The following PSAP variants were observed in gnomAD, a reference collection of about 807,000 sequenced individuals.
The protein encoded by PSAP is precursor of saposins.
Under a neutral mutation model 66.0 loss-of-function variants are expected in PSAP, and 25 were observed. The ratio of observed to expected loss-of-function variants is 0.38; its 90% CI spans 0.28 to 0.53. The LOEUF (loss-of-function observed/expected upper bound fraction) is 0.53. Ranked by LOEUF, PSAP falls within the 20% of genes least tolerant of loss-of-function variation. The probability of loss-of-function intolerance (pLI) is 0.83; values close to 1 mark genes in which losing one functional copy is unlikely to be tolerated. For missense variants in PSAP, 649 were observed against 668.8 expected, an observed-to-expected ratio of 0.97 and a Z score of 0.33; for synonymous variants, 273 against 258.9, an observed-to-expected ratio of 1.05 and a Z score of -0.52.
At chr10:71,824,165 T>C (rs1842357916) in intron 7 of PSAP, among the ~76,000 whole-genome samples, 1 of 151,298 alleles carries the variant, frequency 6.6e-6, no homozygotes, top group Non-Finnish European at 1.5e-5. Flanking sequence ...CTCCAGGTCT[T>C]ACACACTAAA....
chr10:71,823,751 A>T, intron 7 of PSAP: 1 of 577,076 alleles, frequency 1.7e-6, no homozygotes, highest in Non-Finnish European at 2.8e-6. Context: ...CCAGCCTATT[A>T]ACAGAGAGGG....
In PSAP at chr10:71,816,401, C is replaced by T; in HGVS notation, c.*1040G>A. On this transcript the variant is annotated 3_prime_UTR_variant, in exon 14 of 14. Transcript: ENST00000394936. ...CTTCATGTCCTGCTGGCTTTGCTTG[C>T]TGTCTCCTGGCAACCAGAAGTGGAC... The T allele has an allele frequency of 2.1e-6, 1 of 471,186 alleles. No homozygotes were observed. The highest frequency in any genetic ancestry group is 1.5e-5 in the South Asian group (1 of 64,576). The allele number at this position is 471,186 out of a possible 1,614,324, so 29.2% of individuals were successfully genotyped here.
intron 7 of PSAP, 29 bp from the exon 8 acceptor site, chr10:71,822,036 C>T: frequency 6.2e-7 from 1 of 1,613,966 alleles, no homozygotes; most frequent in Non-Finnish European, 8.5e-7. Flanking sequence ...AACCAGTCAG[C>T]AGCAAGCCTA....
chr10:71,844,422 T>C (rs1340544671), intron 1 of PSAP, among the ~76,000 whole-genome samples: 2 of 152,130 alleles, frequency 1.3e-5, no homozygotes, highest in Admixed American at 6.5e-5. Flanking sequence ...TCCCAGCACT[T>C]TGGGGGGCTG....
At position 71,818,763 on chromosome 10, in the gene PSAP, G is replaced by GAGAGC; in HGVS notation, c.1432-44_1432-40dup. The GAGAGC allele has an allele frequency of 4.0e-6, 6 of 1,512,054 alleles. 1 individual carries two copies. The highest frequency in any genetic ancestry group is 5.5e-6 in the Non-Finnish European group (6 of 1,087,048). The allele number at this position is 1,512,054 out of a possible 1,614,324, so 93.7% of individuals were successfully genotyped here. A position where few individuals can be genotyped will look rare whatever the true frequency, so the allele number is the denominator to read the frequency against. ...AAAGGAAAGAAGAAAGGGGGAGAATGAGAGCTGCCCGATGTATCGCTTTCA... is the reference window on the plus strand; with the variant it reads ...AAAGGAAAGAAGAAAGGGGGAGAATGAGAGCAGAGCTGCCCGATGTATCGCTTTCA... On this transcript the variant is annotated intron_variant, in intron 12 of 13. Coordinates refer to ENST00000394936, the MANE Select transcript of PSAP (RefSeq NM_002778.4).
chr10:71,820,004 G>T, intron 9 of PSAP, 104 bp from the exon 10 acceptor site: 1 of 1,098,752 alleles, frequency 9.1e-7, no homozygotes. Context: ...AATGGTGGGT[G>T]CCGTTTCCAC....
chr10:71,821,834 C>T (rs1034056869), intron 8 of PSAP, 42 bp downstream of exon 8: 2 of 1,613,422 alleles, frequency 1.2e-6, no homozygotes, highest in Non-Finnish European at 1.7e-6. Flanking sequence ...AGTAGTGTGG[C>T]ATTGCACAGC....
Position 71,818,646 on chromosome 10 carries a change from G to C in PSAP, c.1510C>G (p.Gln504Glu). The C allele has an allele frequency of 6.2e-7, 1 of 1,613,984 alleles. No individual in the cohort carries two copies. Among genetic ancestry groups the C allele is most frequent in the Non-Finnish European group, 8.5e-7 (1 of 1,180,028 alleles). Residue 504 changes from glutamine to glutamate, a missense_variant, in exon 13 of 14, where the codon CAG becomes GAG. Gln to Glu is a conservative substitution (Grantham distance 29). Transcript: ENST00000394936. ...KCIWGPSYWC[Q>E]NTETAAQCNA... The stretch of plus-strand genomic sequence containing the variant: ...CACTGGGCTGCTGTCTCTGTGTTCT[G>C]GCACCAGTAGCTTGGGCCCCATATA...
At chr10:71,829,679 T>C (rs966209373) in intron 4 of PSAP, among the ~76,000 whole-genome samples, 1 of 152,142 alleles carries the variant, frequency 6.6e-6, no homozygotes, top group African/African-American at 2.4e-5. Flanking sequence ...TCCTAAATGT[T>C]ACCTCTTTCC....
chr10:71,830,391 G>A (rs190060926), intron 4 of PSAP, among the ~76,000 whole-genome samples: 44 of 152,326 alleles, frequency 2.9e-4, no homozygotes, highest in Middle Eastern at 3.4e-3. Flanking sequence ...ATGACCTCCT[G>A]AGGGTCCTGT....
intron 2 of PSAP, among the ~76,000 whole-genome samples, chr10:71,832,401 G>A (rs1842538005): frequency 6.6e-6 from 1 of 152,150 alleles, no homozygotes; most frequent in South Asian, 2.1e-4. Context: ...CTTCTGATTG[G>A]CACCAAGGCC....
At chr10:71,821,076 G>A (rs1842292268) in intron 8 of PSAP, among the ~76,000 whole-genome samples, 1 of 152,236 alleles carries the variant, frequency 6.6e-6, no homozygotes. Context: ...CTGGAGCTGA[G>A]GAGCACCCGG....
Position 71,816,330 on chromosome 10 carries a change from G to T in PSAP, c.*1111C>A. Reference sequence around the variant, plus strand: ...AACAGAATTTTATTGTTAAATCACAGAAACTTTAGTGCAAAACAAAAATCA... The same window carrying T: ...AACAGAATTTTATTGTTAAATCACATAAACTTTAGTGCAAAACAAAAATCA... On this transcript the variant is annotated 3_prime_UTR_variant, in exon 14 of 14. Coordinates refer to ENST00000394936, the MANE Select transcript of PSAP (RefSeq NM_002778.4). 1 of 460,276 alleles carries T rather than the reference G, an allele frequency of 2.2e-6. No individual in the cohort carries two copies. The highest frequency in any genetic ancestry group is 1.6e-5 in the South Asian group (1 of 64,392). 28.5% of individuals were successfully genotyped at this position (460,276 alleles called of 1,614,324 possible).
chr10:71,836,664 C>G (rs1842633844), intron 1 of PSAP, among the ~76,000 whole-genome samples: 1 of 152,132 alleles, frequency 6.6e-6, no homozygotes, highest in Non-Finnish European at 1.5e-5. Context: ...GAGGAGTCAC[C>G]ACCAAAAGCA....
intron 7 of PSAP, among the ~76,000 whole-genome samples, chr10:71,822,855 T>C (rs1176435788): frequency 1.3e-5 from 2 of 152,164 alleles, no homozygotes; most frequent in Non-Finnish European, 2.9e-5. Context: ...TGGCTCATCT[T>C]GTTTTAATAT....
At chr10:71,836,605 G>T (rs992462771) in intron 1 of PSAP, among the ~76,000 whole-genome samples, 1 of 152,182 alleles carries the variant, frequency 6.6e-6, no homozygotes, top group Non-Finnish European at 1.5e-5. Context: ...GATACACAGG[G>T]AAGCCAGAAG....
intron 1 of PSAP, among the ~76,000 whole-genome samples, chr10:71,835,019 G>A (rs543711635): frequency 1.3e-5 from 2 of 151,656 alleles, no homozygotes; most frequent in Non-Finnish European, 2.9e-5. Context: ...GGTGGATCAC[G>A]ACGTCAGGAG....
intron 2 of PSAP, among the ~76,000 whole-genome samples, chr10:71,833,128 G>A (rs1842554028): frequency 6.6e-6 from 1 of 151,860 alleles, no homozygotes. Context: ...ACAGGAAGTA[G>A]TATTAAAAAC....
intron 1 of PSAP, among the ~76,000 whole-genome samples, chr10:71,846,969 T>C (rs1049055961): frequency 2.0e-5 from 3 of 152,120 alleles, no homozygotes; most frequent in Non-Finnish European, 4.4e-5. Context: ...GAGAACTTCC[T>C]AAGCATGCCT....
Sources: allele counts gnomAD v4.1 joint callset (sites outside exome capture counted in the v4.1 genomes callset), GRCh38; gene constraint gnomAD v4.1.1; transcripts MANE v1.5; gene names NCBI Gene and HGNC (gene_info 2026-07-23, HGNC 2026-07-21).